The following ASPRV1 variants were observed in gnomAD, a reference collection of about 807,000 sequenced individuals.
ASPRV1 encodes the protein aspartic peptidase retroviral like 1.
In ASPRV1, 7 loss-of-function variants were observed where a neutral mutation model predicts 11.0. That is an observed-to-expected ratio of 0.64 (90% CI 0.36 to 1.20). ASPRV1 has a LOEUF of 1.20. ASPRV1 is among the 50% of genes most tolerant of loss of function. The pLI is 0.02. For synonymous variants in ASPRV1, 136 were observed against 138.4 expected, an observed-to-expected ratio of 0.98 and a Z score of 0.12; for missense variants, 299 against 320.0, an observed-to-expected ratio of 0.93 and a Z score of 0.50.
At chr2:70,010,944 G>GT in the ASPRV1 span, among the ~76,000 whole-genome samples, 2 of 152,140 alleles carry the variant, frequency 1.3e-5, no homozygotes. Flanking sequence ...GCCTGGTATG[G>GT]TAAGTACTCG....
chr2:69,937,564 A>G, the ASPRV1 span, among the ~76,000 whole-genome samples: 1 of 152,118 alleles, frequency 6.6e-6, no homozygotes, highest in Non-Finnish European at 1.5e-5. Flanking sequence ...CCCTGCTAAC[A>G]CTTAGGTGAC....
the ASPRV1 span, among the ~76,000 whole-genome samples, chr2:69,943,276 C>T: frequency 2.0e-5 from 3 of 152,216 alleles, no homozygotes; most frequent in Admixed American, 6.5e-5. Flanking sequence ...AAGACTTCTG[C>T]ATCTTTTGAG....
chr2:70,079,579 A>C, the ASPRV1 span, among the ~76,000 whole-genome samples: 2 of 152,292 alleles, frequency 1.3e-5, no homozygotes, highest in East Asian at 3.9e-4. Context: ...GGAGATGAAG[A>C]ATAAGAAAAA....
At chr2:70,060,510 A>C in the ASPRV1 span, among the ~76,000 whole-genome samples, 1 of 152,092 alleles carries the variant, frequency 6.6e-6, no homozygotes, top group African/African-American at 2.4e-5. Context: ...ATACATACAA[A>C]GGGCAAGAGT....
chr2:69,951,396 C>G, the ASPRV1 span, among the ~76,000 whole-genome samples: 1 of 143,854 alleles, frequency 7.0e-6, no homozygotes, highest in Non-Finnish European at 1.5e-5. Flanking sequence ...TGCACTCCAG[C>G]CTGGGCAACA....
the ASPRV1 span, chr2:70,055,527 A>G: frequency 2.0e-5 from 3 of 152,152 alleles, no homozygotes; most frequent in African/African-American, 4.8e-5. Flanking sequence ...CTAACACAGG[A>G]ACATAATACC....
downstream of ASPRV1, among the ~76,000 whole-genome samples, chr2:69,956,172 T>A (rs1049146312): frequency 6.6e-6 from 1 of 152,142 alleles, no homozygotes; most frequent in African/African-American, 2.4e-5. Flanking sequence ...AATTTGAGCA[T>A]CAAAATAAAT....
chr2:70,048,526 C>G, the ASPRV1 span, among the ~76,000 whole-genome samples: 1 of 152,102 alleles, frequency 6.6e-6, no homozygotes, highest in Admixed American at 6.6e-5. Flanking sequence ...ACAGCAACAG[C>G]AGGAGGTATG....
At chr2:69,947,988 T>G in the ASPRV1 span, among the ~76,000 whole-genome samples, 3 of 151,668 alleles carry the variant, frequency 2.0e-5, no homozygotes, top group Non-Finnish European at 4.4e-5. Context: ...GGATTGCAAG[T>G]AAATGAGAAT....
the ASPRV1 span, among the ~76,000 whole-genome samples, chr2:69,987,823 C>A: frequency 6.6e-6 from 1 of 152,154 alleles, no homozygotes; most frequent in African/African-American, 2.4e-5. Flanking sequence ...GGTCTTTGGA[C>A]CCTGTGTGGG....
At chr2:69,937,200 C>G in the ASPRV1 span, 1 of 1,610,634 alleles carries the variant, frequency 6.2e-7, no homozygotes, top group Non-Finnish European at 8.5e-7. Flanking sequence ...AGAGATCTCC[C>G]TGTGGGGCCC....
At chr2:69,972,845 C>A in the ASPRV1 span, among the ~76,000 whole-genome samples, 1 of 152,050 alleles carries the variant, frequency 6.6e-6, no homozygotes, top group Non-Finnish European at 1.5e-5. Flanking sequence ...CGAGCTCTCA[C>A]TCCACCCTAT....
chr2:70,036,573 TG>T, the ASPRV1 span, among the ~76,000 whole-genome samples: 1 of 152,068 alleles, frequency 6.6e-6, no homozygotes, highest in Non-Finnish European at 1.5e-5. Context: ...ACACCAAAAT[TG>T]GAAGTGTACA....
At chr2:70,060,817 A>T in the ASPRV1 span, among the ~76,000 whole-genome samples, 1 of 152,222 alleles carries the variant, frequency 6.6e-6, no homozygotes, top group Non-Finnish European at 1.5e-5. Flanking sequence ...ACTCTGTCTC[A>T]ATTTTAAAAA....
chr2:70,068,986 T>C, the ASPRV1 span: 1 of 147,966 alleles, frequency 6.8e-6, no homozygotes, highest in Non-Finnish European at 1.5e-5. Flanking sequence ...CCTTCGTCAG[T>C]AAACCAAAGG....
At chr2:69,999,174 G>A in the ASPRV1 span, among the ~76,000 whole-genome samples, 4 of 152,046 alleles carry the variant, frequency 2.6e-5, no homozygotes, top group South Asian at 2.1e-4. Context: ...AGGTGCAATC[G>A]CAACGCACTA....
the ASPRV1 span, among the ~76,000 whole-genome samples, chr2:69,948,083 C>CAAAA: frequency 0.012 from 1,605 of 137,936 alleles, 35 homozygotes; most frequent in African/African-American, 0.032. Flanking sequence ...CCCCGTCTCT[C>CAAAA]AAAAAAAAAA....
the ASPRV1 span, among the ~76,000 whole-genome samples, chr2:70,084,593 T>G: frequency 6.6e-6 from 1 of 152,242 alleles, no homozygotes; most frequent in Non-Finnish European, 1.5e-5. Flanking sequence ...GGTCACAACT[T>G]ATTAATGGGT....
At chr2:69,967,959 G>A in the ASPRV1 span, among the ~76,000 whole-genome samples, 3 of 152,254 alleles carry the variant, frequency 2.0e-5, no homozygotes, top group East Asian at 5.8e-4. Flanking sequence ...GCGCATGCCT[G>A]TAGTCCTGGC....
Sources: gnomAD v4.1 joint callset for allele counts (sites outside exome capture counted in the v4.1 genomes callset) on GRCh38, gnomAD v4.1.1 for gene constraint, MANE v1.5 for transcripts, NCBI Gene and HGNC (gene_info 2026-07-23, HGNC 2026-07-21) for gene names.